Variants in KCNQ1 observed in about 807,000 individuals in gnomAD.
KCNQ1 encodes potassium voltage-gated channel subfamily KQT member 1.
Under a neutral mutation model 72.4 loss-of-function variants are expected in KCNQ1, and 49 were observed. That is an observed-to-expected ratio of 0.68 (90% CI 0.54 to 0.86). KCNQ1 has a LOEUF of 0.86. Ranked by LOEUF, KCNQ1 falls within the 40% of genes least tolerant of loss-of-function variation. KCNQ1 has a pLI of 0.00. For synonymous variants in KCNQ1, 450 were observed against 412.6 expected, an observed-to-expected ratio of 1.09 and a Z score of -1.10; for missense variants, 790 against 945.1, an observed-to-expected ratio of 0.84 and a Z score of 2.15.
At position 2,652,273 on chromosome 11, in the gene KCNQ1, C is replaced by T. The variant is rs993674217; in HGVS notation, c.1394-9688C>T. 2.5e-6 allele frequency: 1 copy of T among 398,652 alleles called. No homozygotes were observed. The highest frequency in any genetic ancestry group is 4.4e-6 in the Non-Finnish European group (1 of 226,078). The allele number at this position is 398,652 out of a possible 1,614,324, so 24.7% of individuals were successfully genotyped here. A position where few individuals can be genotyped will look rare whatever the true frequency, so the allele number is the denominator to read the frequency against. On this transcript the variant is annotated intron_variant, in intron 10 of 15. Transcript: ENST00000155840. This position sits in a 1 kb window ranked among gnomAD's most constrained non-coding sequence, Gnocchi z 5.9. ...CCATTAAACATTCTGAGAACATCTGCACCGGTTTCCAAGGCTTCTCCCTCA... is the reference window on the plus strand; with the variant it reads ...CCATTAAACATTCTGAGAACATCTGTACCGGTTTCCAAGGCTTCTCCCTCA...
rs1335595480 is a variant in KCNQ1, at chr11:2,803,973, C to T, written c.1794+25936C>T. 1.3e-5 allele frequency among the ~76,000 whole-genome samples: 2 copies of T among 152,128 alleles called. No individual in the cohort carries two copies. Among genetic ancestry groups the T allele is most frequent in the Admixed American group, 6.5e-5 (1 of 15,288 alleles). ...CACAGAGCCTTGGCCAGCATGTGGC[C>T]GCAGCCCCAACTGCAGCGGAAGGTA... On this transcript the variant is annotated intron_variant, in intron 15 of 15. Transcript: ENST00000155840. This position sits in a 1 kb window ranked among gnomAD's most constrained non-coding sequence, Gnocchi z 6.4.
intron 1 of KCNQ1, among the ~76,000 whole-genome samples, chr11:2,501,641 TAGAG>T (rs1847010942): frequency 7.3e-6 from 1 of 137,154 alleles, no homozygotes; most frequent in Non-Finnish European, 1.5e-5. Context: ...TTATGAAAAA[TAGAG>T]GAGGAGGGAA....
intron 11 of KCNQ1, chr11:2,688,067 T>A (rs953400380): frequency 3.3e-5 from 13 of 398,824 alleles, no homozygotes; most frequent in Non-Finnish European, 4.9e-5. Flanking sequence ...ATGGAGTTGG[T>A]GCTTCTAGGG....
chr11:2,696,383 C>G (rs1850676977), intron 11 of KCNQ1: 1 of 398,670 alleles, frequency 2.5e-6, no homozygotes, highest in Non-Finnish European at 4.4e-6. Context: ...TGTGGTGCCA[C>G]CTTTATCACA....
At chr11:2,570,606 G>A (rs749895658) in intron 2 of KCNQ1, 22 bp from the exon 3 acceptor site, 117 of 1,610,938 alleles carry the variant, frequency 7.3e-5, no homozygotes, top group South Asian at 1.1e-4. Context: ...CCTGCAGTGA[G>A]CGTCCCACTC....
At chr11:2,571,456 C>A in intron 4 of KCNQ1, 53 bp downstream of exon 4, 1 of 1,492,558 alleles carries the variant, frequency 6.7e-7, no homozygotes, top group Non-Finnish European at 9.2e-7. Context: ...CCGAGCACCC[C>A]TCCTGAGCCG....
rs1846050443 is a variant in KCNQ1 at position 2,447,133 on chromosome 11, G to T, written c.386+1649G>T. On this transcript the variant is annotated intron_variant, in intron 1 of 15. Transcript: ENST00000155840. The surrounding 1 kb of genome is among the most constrained non-coding windows in gnomAD (Gnocchi z 7.6). ...CACTGCAGCCACCCGTGTGGAGGAA[G>T]AGGAGGAAGAGGGCTCGCCACGCCC... 6.6e-6 allele frequency among the ~76,000 whole-genome samples: 1 copy of T among 152,218 alleles called. No individual in the cohort carries two copies. Among genetic ancestry groups the T allele is most frequent in the African/African-American group, 2.4e-5 (1 of 41,444 alleles).
rs1484145152 is a variant in KCNQ1 at position 2,711,230 on chromosome 11, C to T, written c.1514+49149C>T. 6.6e-6 allele frequency among the ~76,000 whole-genome samples: 1 copy of T among 152,214 alleles called. No individual in the cohort carries two copies. The highest frequency in any genetic ancestry group is 1.9e-4 in the East Asian group (1 of 5,200). On this transcript the variant is annotated intron_variant, in intron 11 of 15. Coordinates refer to ENST00000155840, the MANE Select transcript of KCNQ1 (RefSeq NM_000218.3). This position sits in a 1 kb window ranked among gnomAD's most constrained non-coding sequence, Gnocchi z 5.4. ...GGTTTTGTGTGACAGTGACTGGCAG[C>T]CATACTTCCTCCCCATGTACTGGGT... is the stretch of plus-strand genomic sequence containing the variant.
chr11:2,572,741 C>T (rs1190134839), intron 5 of KCNQ1, 105 bp from the exon 6 acceptor site: 9 of 1,466,114 alleles, frequency 6.1e-6, no homozygotes, highest in African/African-American at 2.8e-5. Context: ...GCTGGAGCGG[C>T]GTAGGACGCC....
intron 15 of KCNQ1, among the ~76,000 whole-genome samples, chr11:2,812,966 GTC>G (rs1847523542): frequency 6.6e-6 from 1 of 152,216 alleles, no homozygotes; most frequent in Non-Finnish European, 1.5e-5. Context: ...ATGGCCTCAG[GTC>G]TCTGCCCCAG....
At chr11:2,806,508 C>T (rs939611957) in intron 15 of KCNQ1, among the ~76,000 whole-genome samples, 1 of 152,216 alleles carries the variant, frequency 6.6e-6, no homozygotes, top group East Asian at 1.9e-4. Context: ...GTAACGCAGG[C>T]TTGCCTCTTC....
At chr11:2,681,345 T>C (rs1850393192) in intron 11 of KCNQ1, 1 of 398,470 alleles carries the variant, frequency 2.5e-6, no homozygotes, top group Non-Finnish European at 4.4e-6. Flanking sequence ...GTCTTTTCCT[T>C]GTAGCTCCCT....
chr11:2,542,344 A>G (rs1316988467), intron 2 of KCNQ1, among the ~76,000 whole-genome samples: 2 of 152,224 alleles, frequency 1.3e-5, no homozygotes, highest in African/African-American at 4.8e-5. Context: ...AAGCCGGTGT[A>G]AGGGGCCCCG....
At chr11:2,675,090 C>T (rs936867138) in intron 11 of KCNQ1, 1 of 398,504 alleles carries the variant, frequency 2.5e-6, no homozygotes, top group Admixed American at 4.4e-5. Flanking sequence ...GTGGGCATGT[C>T]CTGAGTGGAC....
rs1249045280 is a variant in KCNQ1 at position 2,475,386 on chromosome 11, C to G, written c.386+29902C>G. On this transcript the variant is annotated intron_variant, in intron 1 of 15. Coordinates refer to ENST00000155840, the MANE Select transcript of KCNQ1 (RefSeq NM_000218.3). This position sits in a 1 kb window ranked among gnomAD's most constrained non-coding sequence, Gnocchi z 5.8. ...TACGTGCAGCTGTCTCTGCCTTTGG[C>G]TGTTGTGGCTAGAGGCTCCTTCCTG... Among the ~76,000 whole-genome samples the G allele has an allele frequency of 6.6e-6, 1 of 152,152 alleles. No individual in the cohort carries two copies. Among genetic ancestry groups the G allele is most frequent in the Non-Finnish European group, 1.5e-5 (1 of 68,038 alleles).
rs34226314 is a variant in KCNQ1 at position 2,550,292 on chromosome 11, C to T, written c.478-20336C>T. 0.11 allele frequency among the ~76,000 whole-genome samples: 17,080 copies of T among 152,220 alleles called. 1,180 individuals carry two copies. Among genetic ancestry groups the T allele is most frequent in the Non-Finnish European group, 0.15 (10,495 of 68,002 alleles). On this transcript the variant is annotated intron_variant, in intron 2 of 15. Coordinates refer to ENST00000155840, the MANE Select transcript of KCNQ1 (RefSeq NM_000218.3). The surrounding 1 kb of genome is among the most constrained non-coding windows in gnomAD (Gnocchi z 6.0). The stretch of plus-strand genomic sequence containing the variant: ...TCTTTGCAGTTGCAGAGCCGTGGCG[C>T]GGCGCCTGGATTTCCGACACACTGC...
chr11:2,544,731 T>C lies in KCNQ1; in HGVS notation c.477+16713T>C, dbSNP rs756455713. Among the ~76,000 whole-genome samples, 5 of 152,254 alleles carry C rather than the reference T, an allele frequency of 3.3e-5. No individual in the cohort carries two copies. Among genetic ancestry groups the C allele is most frequent in the Non-Finnish European group, 7.3e-5 (5 of 68,048 alleles). ...AAAAAATGAATTCCATTGATTTCCTTATATGAATGATGTTTTCTGAACATA... is the reference window on the plus strand; with the variant it reads ...AAAAAATGAATTCCATTGATTTCCTCATATGAATGATGTTTTCTGAACATA... On this transcript the variant is annotated intron_variant, in intron 2 of 15. Transcript: ENST00000155840. This position sits in a 1 kb window ranked among gnomAD's most constrained non-coding sequence, Gnocchi z 4.4.
At chr11:2,499,520 A>ACCG (rs1846974377) in intron 1 of KCNQ1, among the ~76,000 whole-genome samples, 3 of 131,476 alleles carry the variant, frequency 2.3e-5, no homozygotes, top group East Asian at 2.4e-4. Context: ...GGTTGAATGG[A>ACCG]CCCCTGCCCC....
chr11:2,554,636 G>C (rs532605173), intron 2 of KCNQ1, among the ~76,000 whole-genome samples: 3 of 152,350 alleles, frequency 2.0e-5, no homozygotes, highest in African/African-American at 7.2e-5. Context: ...GGGGGACAAA[G>C]ATCAGACTTT....
Sources: allele counts gnomAD v4.1 joint callset (sites outside exome capture counted in the v4.1 genomes callset), GRCh38; gene constraint gnomAD v4.1.1; non-coding constraint Gnocchi (gnomAD v3.1); transcripts MANE v1.5; gene names NCBI Gene and HGNC (gene_info 2026-07-23, HGNC 2026-07-21).